The following ZNF358 variants were observed in gnomAD, a reference collection of about 807,000 sequenced individuals.
ZNF358 encodes zinc finger protein 358.
Under a neutral mutation model 2.1 loss-of-function variants are expected in ZNF358, and 1 was observed. The ratio of observed to expected loss-of-function variants is 0.49; its 90% CI spans 0.17 to 2.30. The LOEUF is 2.30. Ranked by LOEUF, ZNF358 falls within the 30% of genes most tolerant of loss-of-function variation. The pLI is 0.26. For missense variants in ZNF358, 665 were observed against 806.8 expected (o/e 0.82, Z 2.13); for synonymous variants, 381 against 359.7 (o/e 1.06, Z -0.67).
At chr19:7,514,006 G>T (rs1599242311), upstream of ZNF358, 1 of 152,140 alleles carries the variant, frequency 6.6e-6, no homozygotes, top group South Asian at 2.1e-4. Flanking sequence ...GTGGCTTCAG[G>T]TACGGCTATA....
chr19:7,516,095 C>T (rs1342739064), upstream of ZNF358: 1 of 136,748 alleles, frequency 7.3e-6, no homozygotes, highest in African/African-American at 2.7e-5. The surrounding 1 kb of genome is among the most constrained non-coding windows in gnomAD (Gnocchi z 5.9). Context: ...CTGCGGCCCT[C>T]GGCCGGCCCC....
In ZNF358 at chr19:7,520,473, G is replaced by T. The variant is rs555910869; in HGVS notation, c.1231G>T (p.Ala411Ser). 1.6e-6 allele frequency: 2 copies of T among 1,251,026 alleles called. No individual in the cohort carries two copies. The highest frequency in any genetic ancestry group is 2.1e-6 in the Non-Finnish European group (2 of 934,910). 77.5% of individuals were successfully genotyped at this position (1,251,026 alleles called of 1,614,324 possible). A position where few individuals can be genotyped will look rare whatever the true frequency, so the allele number is the denominator to read the frequency against. The change falls in exon 2 of 2, where the codon GCT (alanine) becomes TCT (serine). Residue 411 changes from alanine (A) to serine (S), a missense_variant. Physicochemically the swap from Ala to Ser is moderately conservative, Grantham distance 99 (BLOSUM62 1). Transcript: ENST00000597229. The surrounding 1 kb of genome is among the most constrained non-coding windows in gnomAD (Gnocchi z 6.0). ...AAAAAAAAAA[A>S]AAAAAGLGLG... ...TGCTGCAGCTGCCGCGGCCGCTGCAGCTGCAGCAGCGGCCGCCGGCCTGGG... is the reference window on the plus strand; with the variant it reads ...TGCTGCAGCTGCCGCGGCCGCTGCATCTGCAGCAGCGGCCGCCGGCCTGGG...
rs1423683487 is a variant in ZNF358, at chr19:7,519,834, C to G, written c.592C>G (p.Arg198Gly). The G allele has an allele frequency of 2.6e-6, 4 of 1,532,362 alleles. No homozygotes were observed. The highest frequency in any genetic ancestry group is 2.6e-6 in the Non-Finnish European group (3 of 1,145,792). The allele number at this position is 1,532,362 out of a possible 1,614,324, so 94.9% of individuals were successfully genotyped here. ...CCACGGTGCCACCCTGGCTCAGCACCGTGGCATCCACACTGGGGCGCGGCC... is the reference window on the plus strand; with the variant it reads ...CCACGGTGCCACCCTGGCTCAGCACGGTGGCATCCACACTGGGGCGCGGCC... ...FSHGATLAQHRGIHTGARPYQ... is the reference protein window; with the variant it reads ...FSHGATLAQHGGIHTGARPYQ... Residue 198 changes from arginine to glycine, a missense_variant, in exon 2 of 2, where the codon CGT (arginine) becomes GGT (glycine). Arg to Gly is a moderately radical substitution (Grantham distance 125). Coordinates refer to ENST00000597229, the MANE Select transcript of ZNF358 (RefSeq NM_018083.5).
Position 7,520,847 on chromosome 19 carries a change from C to G in ZNF358, c.1605C>G (p.Asp535Glu). 6.2e-7 allele frequency: 1 copy of G among 1,614,116 alleles called. No individual in the cohort carries two copies. The highest frequency in any genetic ancestry group is 8.5e-7 in the Non-Finnish European group (1 of 1,180,012). The change falls in exon 2 of 2, where the codon GAC becomes GAG. Residue 535 changes from aspartate (D) to glutamate (E), a missense_variant. Transcript: ENST00000597229. This position sits in a 1 kb window ranked among gnomAD's most constrained non-coding sequence, Gnocchi z 6.0. ...SPDPNPVSCPDPCSPTRGTVS... is the reference protein window; with the variant it reads ...SPDPNPVSCPEPCSPTRGTVS... ...ATCCCAACCCTGTGTCCTGCCCTGA[C>G]CCCTGTTCTCCCACTCGTGGCACTG...
At position 7,519,663 on chromosome 19, in the gene ZNF358, C is replaced by A. The variant is rs757203069; in HGVS notation, c.421C>A (p.Leu141Ile). ...PQVLATSPAVLPAPASPPRPF... is the reference protein window; with the variant it reads ...PQVLATSPAVIPAPASPPRPF... The stretch of plus-strand genomic sequence containing the variant: ...GGTCTTGGCCACCAGCCCCGCGGTG[C>A]TCCCCGCCCCCGCCAGCCCGCCCCG... The change falls in exon 2 of 2, where the codon CTC (leucine) becomes ATC (isoleucine). Residue 141 changes from leucine to isoleucine, a missense_variant. Leu to Ile is a conservative substitution (Grantham distance 5). Transcript: ENST00000597229. The A allele has an allele frequency of 1.9e-6, 3 of 1,576,570 alleles. No individual in the cohort carries two copies. The African/African-American group carries it at 4.0e-5, about 21-fold the overall frequency.
rs116797831 is a variant in ZNF358 at position 7,520,876 on chromosome 19, G to C, written c.1634G>C (p.Ser545Thr). The change falls in exon 2 of 2, where the codon AGC becomes ACC. Residue 545 changes from serine to threonine, a missense_variant. Physicochemically the swap from Ser to Thr is moderately conservative, Grantham distance 58. Around this residue, in one of 3 missense-constraint regions of ZNF358, gnomAD observed 249 missense variants for 227.6 expected, o/e 1.09. Coordinates refer to ENST00000597229, the MANE Select transcript of ZNF358 (RefSeq NM_018083.5). This position sits in a 1 kb window ranked among gnomAD's most constrained non-coding sequence, Gnocchi z 6.0. ...TGTTCTCCCACTCGTGGCACTGTCA[G>C]CCCAGCCCTCCCTACCGGCGAGAGT... The part of the protein sequence containing the change: ...DPCSPTRGTV[S>T]PALPTGESPE... The C allele has an allele frequency of 4.0e-3, 6,527 of 1,614,050 alleles. 222 individuals carry two copies. In the African/African-American group the frequency reaches 0.075, roughly 18 times the overall value.
upstream of ZNF358, among the ~76,000 whole-genome samples, chr19:7,514,685 T>G (rs1362343605): frequency 1.3e-5 from 2 of 152,222 alleles, no homozygotes; most frequent in Admixed American, 6.5e-5. Context: ...CAGGCTGGAG[T>G]GCAGTGGTGC....
intron 1 of ZNF358, among the ~76,000 whole-genome samples, chr19:7,518,148 T>C (rs573986946): frequency 1.3e-5 from 2 of 152,318 alleles, no homozygotes; most frequent in African/African-American, 2.4e-5. Flanking sequence ...AGTTGGGGAC[T>C]AGAAACCTCT....
chr19:7,516,957 A>G lies in ZNF358; in HGVS notation c.-39+708A>G, dbSNP rs982480336. Among the ~76,000 whole-genome samples the G allele has an allele frequency of 1.3e-5, 2 of 151,848 alleles. No individual in the cohort carries two copies. Among genetic ancestry groups the G allele is most frequent in the African/African-American group, 2.4e-5 (1 of 41,318 alleles). On this transcript the variant is annotated intron_variant, in intron 1 of 1. Transcript: ENST00000597229. The surrounding 1 kb of genome is among the most constrained non-coding windows in gnomAD (Gnocchi z 5.9). ...GTCTTGTTTCCCCCACTCTCCAACT[A>G]TGGGGTCTGGGTTGAGGACCGCCGT...
In ZNF358 at chr19:7,519,472, C is replaced by T. The variant is rs1214824909; in HGVS notation, c.230C>T (p.Ala77Val). The T allele has an allele frequency of 1.2e-6, 2 of 1,613,998 alleles. No homozygotes were observed. Among genetic ancestry groups the T allele is most frequent in the Non-Finnish European group, 8.5e-7 (1 of 1,180,024 alleles). Residue 77 changes from alanine (A) to valine (V), a missense_variant, in exon 2 of 2, where the codon GCT becomes GTT. This residue lies in a region of ZNF358 where 206 missense variants were observed against 228.4 expected (regional missense o/e 0.90). Transcript: ENST00000597229. Reference protein sequence around the residue: ...VSEDLDPDAEAPGSEPQDPDP... With the variant: ...VSEDLDPDAEVPGSEPQDPDP... ...GAGGATCTGGACCCCGACGCCGAAG[C>T]TCCGGGCTCGGAACCCCAAGATCCC... is the stretch of plus-strand genomic sequence containing the variant.
intron 1 of ZNF358, among the ~76,000 whole-genome samples, chr19:7,518,744 G>A (rs999131864): frequency 3.5e-4 from 53 of 152,100 alleles, no homozygotes; most frequent in African/African-American, 1.2e-3. Context: ...GGGTGACAGA[G>A]TGAGACCCCA....
rs1221748051 is a variant in ZNF358 at position 7,516,129 on chromosome 19, C to CGGGGCCGCTGGGCCGAG, written c.-150_-134dup. On this transcript the variant is annotated 5_prime_UTR_variant, in exon 1 of 2. Coordinates refer to ENST00000597229, the MANE Select transcript of ZNF358 (RefSeq NM_018083.5). This position sits in a 1 kb window ranked among gnomAD's most constrained non-coding sequence, Gnocchi z 5.9. ...CCTCTCGCTCCCCGGGAGCGCCTGG[C>CGGGGCCGCTGGGCCGAG]GGGGCCGCTGGGCCGAGGGGGCCGC... is the stretch of plus-strand genomic sequence containing the variant. 1.0e-5 allele frequency: 1 copy of CGGGGCCGCTGGGCCGAG among 95,830 alleles called. No homozygotes were observed. The highest frequency in any genetic ancestry group is 2.1e-5 in the Non-Finnish European group (1 of 48,776). 5.9% of individuals were successfully genotyped at this position (95,830 alleles called of 1,614,324 possible).
At chr19:7,519,103 G>C in intron 1 of ZNF358, 102 bp from the exon 2 acceptor site, 1 of 1,367,368 alleles carries the variant, frequency 7.3e-7, no homozygotes, top group African/African-American at 1.5e-5. Flanking sequence ...GGGTTCTGGG[G>C]GCACAATCGG....
At position 7,520,836 on chromosome 19, in the gene ZNF358, T is replaced by C. The variant is rs73488488; in HGVS notation, c.1594T>C (p.Ser532Pro). Residue 532 changes from serine (S) to proline (P), a missense_variant, in exon 2 of 2, where the codon TCC becomes CCC. Transcript: ENST00000597229. This position sits in a 1 kb window ranked among gnomAD's most constrained non-coding sequence, Gnocchi z 6.0. ...PVPSPDPNPV[S>P]CPDPCSPTRG... ...GCCCAGCCCTGATCCCAACCCTGTGTCCTGCCCTGACCCCTGTTCTCCCAC... is the reference window on the plus strand; with the variant it reads ...GCCCAGCCCTGATCCCAACCCTGTGCCCTGCCCTGACCCCTGTTCTCCCAC... 3.8e-4 allele frequency: 609 copies of C among 1,613,882 alleles called. 2 individuals carry two copies. The African/African-American group carries it at 5.8e-3, about 15-fold the overall frequency.
In ZNF358 at chr19:7,519,465, G is replaced by A. The variant is rs1294536223; in HGVS notation, c.223G>A (p.Ala75Thr). Residue 75 changes from alanine to threonine, a missense_variant, in exon 2 of 2, where the codon GCC becomes ACC. By Grantham distance (58) the Ala-to-Thr change is moderately conservative (BLOSUM62 0). This residue lies in a region of ZNF358 where 206 missense variants were observed against 228.4 expected (regional missense o/e 0.90). Transcript: ENST00000597229. ...EPVSEDLDPD[A>T]EAPGSEPQDP... Reference sequence around the variant, plus strand: ...CGTCTCGGAGGATCTGGACCCCGACGCCGAAGCTCCGGGCTCGGAACCCCA... The same window carrying A: ...CGTCTCGGAGGATCTGGACCCCGACACCGAAGCTCCGGGCTCGGAACCCCA... 2 of 1,613,956 alleles carry A rather than the reference G, an allele frequency of 1.2e-6. No homozygotes were observed. Among genetic ancestry groups the A allele is most frequent in the Admixed American group, 1.7e-5 (1 of 60,026 alleles).
chr19:7,515,955 G>C (rs368520183), upstream of ZNF358, among the ~76,000 whole-genome samples: 24 of 150,840 alleles, frequency 1.6e-4, 1 homozygote, highest in East Asian at 4.4e-3. Context: ...GGCGGGGCAC[G>C]GTGCAGACAA....
rs1271512254 is a variant in ZNF358 at position 7,520,603 on chromosome 19, C to T, written c.1361C>T (p.Pro454Leu). 6.9e-7 allele frequency: 1 copy of T among 1,450,264 alleles called. No individual in the cohort carries two copies. The highest frequency in any genetic ancestry group is 1.4e-5 in the African/African-American group (1 of 70,942). The allele number at this position is 1,450,264 out of a possible 1,614,324, so 89.8% of individuals were successfully genotyped here. ...CTCGGCTCTGGCTTGGGCCTCAGCC[C>T]TGGCACCAGCTCTGGCCGCAACCCT... is the stretch of plus-strand genomic sequence containing the variant. ...SVLGSGLGLSPGTSSGRNPDP... is the reference protein window; with the variant it reads ...SVLGSGLGLSLGTSSGRNPDP... Residue 454 changes from proline (P) to leucine (L), a missense_variant, in exon 2 of 2, where the codon CCT (proline) becomes CTT (leucine). Physicochemically the swap from Pro to Leu is moderately conservative, Grantham distance 98. Coordinates refer to ENST00000597229, the MANE Select transcript of ZNF358 (RefSeq NM_018083.5). The surrounding 1 kb of genome is among the most constrained non-coding windows in gnomAD (Gnocchi z 6.0).
rs758246034 is a variant in ZNF358, at chr19:7,520,620, C to T, written c.1378C>T (p.Arg460Cys). Residue 460 changes from arginine (R) to cysteine (C), a missense_variant, in exon 2 of 2, where the codon CGC becomes TGC. Physicochemically the swap from Arg to Cys is radical, Grantham distance 180. Around this residue, in one of 3 missense-constraint regions of ZNF358, gnomAD observed 249 missense variants for 227.6 expected, o/e 1.09. Coordinates refer to ENST00000597229, the MANE Select transcript of ZNF358 (RefSeq NM_018083.5). This position sits in a 1 kb window ranked among gnomAD's most constrained non-coding sequence, Gnocchi z 6.0. ...CCTCAGCCCTGGCACCAGCTCTGGC[C>T]GCAACCCTGACCCTGGCTCTGGGCC... Reference protein sequence around the residue: ...LGLSPGTSSGRNPDPGSGPGT... With the variant: ...LGLSPGTSSGCNPDPGSGPGT... The T allele has an allele frequency of 1.8e-5, 27 of 1,516,886 alleles. No individual in the cohort carries two copies. The highest frequency in any genetic ancestry group is 2.2e-5 in the Non-Finnish European group (24 of 1,112,680). 94.0% of individuals were successfully genotyped at this position (1,516,886 alleles called of 1,614,324 possible). A position where few individuals can be genotyped will look rare whatever the true frequency, so the allele number is the denominator to read the frequency against.
chr19:7,520,229 G>A lies in ZNF358; in HGVS notation c.987G>A (p.Gly329=), dbSNP rs762021201. The A allele has an allele frequency of 6.2e-7, 1 of 1,605,798 alleles. No homozygotes were observed. The highest frequency in any genetic ancestry group is 1.1e-5 in the South Asian group (1 of 91,018). The stretch of plus-strand genomic sequence containing the variant: ...GCCCCCACTGCGGCAAAGCCTTCGG[G>A]CAGAGCTCCAACTTGCAACACCACC... ...YRCPHCGKAF[G]QSSNLQHHLR... Residue 329 remains glycine, a synonymous_variant, in exon 2 of 2, where the codon GGG becomes GGA. Transcript: ENST00000597229. The surrounding 1 kb of genome is among the most constrained non-coding windows in gnomAD (Gnocchi z 6.0).
Sources: allele counts gnomAD v4.1 joint callset (sites outside exome capture counted in the v4.1 genomes callset), GRCh38; gene constraint gnomAD v4.1.1; regional missense constraint gnomAD v4.1.1; non-coding constraint Gnocchi (gnomAD v3.1); transcripts MANE v1.5; gene names NCBI Gene and HGNC (gene_info 2026-07-23, HGNC 2026-07-21).